The following ZBTB20 variants were observed in gnomAD, a reference collection of about 807,000 sequenced individuals.
ZBTB20 encodes zinc finger and BTB domain containing 20.
Under a neutral mutation model 56.9 loss-of-function variants are expected in ZBTB20, and 9 were observed. The ratio of observed to expected loss-of-function variants is 0.16; its 90% CI spans 0.10 to 0.28. ZBTB20 has a LOEUF of 0.28. ZBTB20 is among the 10% of genes least tolerant of loss of function. The probability of loss-of-function intolerance (pLI) is 1.00; values close to 1 mark genes in which losing one functional copy is unlikely to be tolerated. For synonymous variants in ZBTB20, 417 were observed against 420.7 expected (o/e 0.99, Z 0.11); for missense variants, 655 against 1,003.0 (o/e 0.65, Z 4.69).
intron 3 of ZBTB20, among the ~76,000 whole-genome samples, chr3:114,954,933 T>C (rs930263228): frequency 2.6e-5 from 4 of 152,184 alleles, no homozygotes; most frequent in Non-Finnish European, 4.4e-5. Flanking sequence ...GCAGCTGCCA[T>C]TGCTGCTGAC....
chr3:114,878,575 T>A (rs2076282936), intron 4 of ZBTB20, among the ~76,000 whole-genome samples: 7 of 137,668 alleles, frequency 5.1e-5, no homozygotes, highest in African/African-American at 5.4e-5. Flanking sequence ...CTTGGAGAAT[T>A]AAAAAAAAAA....
At chr3:114,996,837 T>G (rs1046647690) in intron 2 of ZBTB20, among the ~76,000 whole-genome samples, 2 of 151,730 alleles carry the variant, frequency 1.3e-5, no homozygotes, top group East Asian at 1.9e-4. Context: ...TGAACAGACA[T>G]TTCTCAAAAG....
At chr3:115,087,693 A>G (rs2083039305) in intron 1 of ZBTB20, among the ~76,000 whole-genome samples, 1 of 151,962 alleles carries the variant, frequency 6.6e-6, no homozygotes, top group Non-Finnish European at 1.5e-5. Flanking sequence ...TTTAACTTCA[A>G]CTGGCTCCTA....
At chr3:114,701,788 C>A (rs890263148) in intron 5 of ZBTB20, among the ~76,000 whole-genome samples, 4 of 152,068 alleles carry the variant, frequency 2.6e-5, no homozygotes, top group Non-Finnish European at 5.9e-5. Flanking sequence ...ATGAGAGCTA[C>A]CTCATGCTCC....
At chr3:114,966,175 A>G (rs1436747401) in intron 3 of ZBTB20, among the ~76,000 whole-genome samples, 2 of 152,176 alleles carry the variant, frequency 1.3e-5, no homozygotes, top group East Asian at 3.9e-4. Context: ...TGGAACATCA[A>G]TTACTTCTTT....
chr3:114,460,605 A>G (rs2092287492), intron 7 of ZBTB20, among the ~76,000 whole-genome samples: 1 of 152,202 alleles, frequency 6.6e-6, no homozygotes, highest in African/African-American at 2.4e-5. Context: ...AGCCGCTAAA[A>G]GGAACCAGCC....
Position 114,325,251 on chromosome 3 carries a change from G to A in ZBTB20, c.*13754C>T, listed in dbSNP as rs1486069406. The A allele has an allele frequency of 6.6e-6, 1 of 152,132 alleles. No homozygotes were observed. Among genetic ancestry groups the A allele is most frequent in the African/African-American group, 2.4e-5 (1 of 41,432 alleles). 9.4% of individuals were successfully genotyped at this position (152,132 alleles called of 1,614,324 possible). The stretch of plus-strand genomic sequence containing the variant: ...AAGTTTAGCAGCTGAAAATACCTTT[G>A]AGAATTTTCTCCTGTAAATCTACAG... On this transcript the variant is annotated 3_prime_UTR_variant, in exon 12 of 12. Coordinates refer to ENST00000675478, the MANE Select transcript of ZBTB20 (RefSeq NM_001348800.3).
chr3:115,035,305 G>A (rs187832387), intron 2 of ZBTB20, among the ~76,000 whole-genome samples: 2 of 152,036 alleles, frequency 1.3e-5, no homozygotes, highest in Non-Finnish European at 2.9e-5. Flanking sequence ...GAACATGTTT[G>A]CAAGTCTCAT....
chr3:114,577,273 G>GA (rs201429249), intron 6 of ZBTB20, among the ~76,000 whole-genome samples: 1 of 151,350 alleles, frequency 6.6e-6, no homozygotes, highest in African/African-American at 2.4e-5. Context: ...TAAAAAAAAA[G>GA]AAAAAAATAG....
At chr3:114,557,751 C>A (rs898291661) in intron 6 of ZBTB20, among the ~76,000 whole-genome samples, 2 of 151,884 alleles carry the variant, frequency 1.3e-5, no homozygotes, top group Non-Finnish European at 2.9e-5. Context: ...TAATTGCATA[C>A]TACACCAAAT....
intron 7 of ZBTB20, among the ~76,000 whole-genome samples, chr3:114,477,882 T>TTTTC (rs146876949): frequency 0.15 from 21,990 of 147,326 alleles, 1,781 homozygotes; most frequent in Middle Eastern, 0.31. Context: ...TTCCTTCCTT[T>TTTTC]TTTCTTTCTT....
intron 1 of ZBTB20, among the ~76,000 whole-genome samples, chr3:115,110,331 A>G (rs1387965494): frequency 6.6e-6 from 1 of 152,238 alleles, no homozygotes; most frequent in African/African-American, 2.4e-5. Flanking sequence ...AACAGGCCAT[A>G]GGGATGATTC....
chr3:114,378,161 AC>A (rs2083879492), intron 10 of ZBTB20, among the ~76,000 whole-genome samples: 1 of 152,218 alleles, frequency 6.6e-6, no homozygotes, highest in Non-Finnish European at 1.5e-5. Context: ...CTTAAAATAA[AC>A]CTTTTTCCTG....
chr3:114,748,729 T>C (rs1010980024), intron 5 of ZBTB20, among the ~76,000 whole-genome samples: 2 of 152,130 alleles, frequency 1.3e-5, no homozygotes, highest in Non-Finnish European at 2.9e-5. Flanking sequence ...GTGGTGACTA[T>C]TGTTAAATTA....
intron 7 of ZBTB20, among the ~76,000 whole-genome samples, chr3:114,455,044 AAG>A (rs1269593482): frequency 1.6e-4 from 18 of 111,600 alleles, no homozygotes; most frequent in East Asian, 2.7e-4. Flanking sequence ...AGAGAGGGGG[AAG>A]AGAGAGAGGG....
intron 4 of ZBTB20, among the ~76,000 whole-genome samples, chr3:114,844,546 A>AAAAAAAAC (rs2074584420): frequency 1.4e-5 from 2 of 140,730 alleles, no homozygotes; most frequent in Non-Finnish European, 3.0e-5. Context: ...AAAAAAAAAA[A>AAAAAAAAC]AAAAAACTTT....
At chr3:114,404,740 C>T (rs775044621) in intron 7 of ZBTB20, among the ~76,000 whole-genome samples, 8 of 152,086 alleles carry the variant, frequency 5.3e-5, no homozygotes, top group Non-Finnish European at 1.0e-4. Flanking sequence ...ACCCAATACC[C>T]GGAGCTTATA....
intron 1 of ZBTB20, among the ~76,000 whole-genome samples, chr3:115,138,659 A>G (rs557207356): frequency 6.6e-6 from 1 of 152,108 alleles, no homozygotes; most frequent in South Asian, 2.1e-4. Flanking sequence ...ACCCTTTCTG[A>G]GCCTTCGCAT....
At chr3:114,895,518 T>C (rs577282876) in intron 4 of ZBTB20, among the ~76,000 whole-genome samples, 1 of 152,284 alleles carries the variant, frequency 6.6e-6, no homozygotes, top group African/African-American at 2.4e-5. Flanking sequence ...CCTAGCCTTC[T>C]ATAGAAATGT....
Sources: allele counts gnomAD v4.1 joint callset (sites outside exome capture counted in the v4.1 genomes callset), GRCh38; gene constraint gnomAD v4.1.1; transcripts MANE v1.5; gene names NCBI Gene and HGNC (gene_info 2026-07-23, HGNC 2026-07-21).